The following KIAA0586 variants were observed in gnomAD, a reference collection of about 807,000 sequenced individuals.
KIAA0586 encodes protein TALPID3.
A neutral mutation model predicts 169.8 loss-of-function variants in KIAA0586; 144 were observed. The observed-to-expected ratio is 0.85, with a 90% CI of 0.74 to 0.97. The LOEUF is 0.97. Ranked by LOEUF, KIAA0586 falls within the 50% of genes least tolerant of loss-of-function variation. The pLI is 0.00. For missense variants in KIAA0586, 1,854 were observed against 1,823.0 expected (o/e 1.02, Z -0.31); for synonymous variants, 625 against 612.4 (o/e 1.02, Z -0.30).
chr14:58,533,544 G>A (rs12895026), intron 29 of KIAA0586, among the ~76,000 whole-genome samples: 6,958 of 152,236 alleles, frequency 0.046, 225 homozygotes, highest in Middle Eastern at 0.075. Flanking sequence ...TGTTGAATGA[G>A]CCAATTGTTT....
chr14:58,551,799 A>C (rs1049109435), downstream of KIAA0586, among the ~76,000 whole-genome samples: 2 of 152,130 alleles, frequency 1.3e-5, no homozygotes, highest in Non-Finnish European at 2.9e-5. Flanking sequence ...ATTGAAATAT[A>C]CTTATCTTTT....
In KIAA0586 at chr14:58,459,940, A is replaced by G; in HGVS notation, c.1754A>G (p.Asn585Ser). The G allele has an allele frequency of 6.5e-7, 1 of 1,532,922 alleles. No homozygotes were observed. Among genetic ancestry groups the G allele is most frequent in the Non-Finnish European group, 8.7e-7 (1 of 1,144,372 alleles). 95.0% of individuals were successfully genotyped at this position (1,532,922 alleles called of 1,614,324 possible). Residue 585 changes from asparagine (N) to serine (S), a missense_variant, in exon 13 of 31, where the codon AAC (asparagine) becomes AGC (serine). Transcript: ENST00000652326. ...GQNMTKDIRT[N>S]TQDKTVNKSV... Reference sequence around the variant, plus strand: ...AATATGACTAAAGATATTAGAACCAACACACAAGATAAAACTGTCAACAAA... The same window carrying G: ...AATATGACTAAAGATATTAGAACCAGCACACAAGATAAAACTGTCAACAAA...
intron 21 of KIAA0586, among the ~76,000 whole-genome samples, chr14:58,484,890 T>TTATATATATATATTTATATATATTTATA (rs1194531919): frequency 9.3e-5 from 3 of 32,288 alleles, no homozygotes; most frequent in African/African-American, 1.3e-4. Flanking sequence ...ATATATATAT[T>TTATATATATATATTTATATATATTTATA]TATATATATA....
rs1365055691 is a variant in KIAA0586 at position 58,461,073 on chromosome 14, A to G, written c.1972A>G (p.Thr658Ala). The change falls in exon 14 of 31, where the codon ACT becomes GCT. Residue 658 changes from threonine to alanine, a missense_variant. Physicochemically the swap from Thr to Ala is moderately conservative, Grantham distance 58. Transcript: ENST00000652326. ...GCCAGTTTATCAGGGCCATCGAAGC[A>G]CTCTTAAAAAAGGACCATATCTCAG... is the stretch of plus-strand genomic sequence containing the variant. ...GKPVYQGHRS[T>A]LKKGPYLRFN... The G allele has an allele frequency of 1.9e-6, 3 of 1,612,218 alleles. No individual in the cohort carries two copies. The highest frequency in any genetic ancestry group is 1.7e-6 in the Non-Finnish European group (2 of 1,179,010).
chr14:58,483,484 G>C (rs1401451375), intron 21 of KIAA0586, among the ~76,000 whole-genome samples: 1 of 151,912 alleles, frequency 6.6e-6, no homozygotes, highest in Non-Finnish European at 1.5e-5. Flanking sequence ...CACCCCCCCA[G>C]ATTTAACATT....
intron 4 of KIAA0586, among the ~76,000 whole-genome samples, chr14:58,436,063 TA>T (rs2037798805): frequency 6.6e-6 from 1 of 152,140 alleles, no homozygotes; most frequent in Admixed American, 6.5e-5. Flanking sequence ...CTGCAGTCAA[TA>T]CCCTGTTTAA....
intron 18 of KIAA0586, among the ~76,000 whole-genome samples, chr14:58,473,275 G>C: frequency 6.6e-6 from 1 of 152,094 alleles, no homozygotes; most frequent in Non-Finnish European, 1.5e-5. Flanking sequence ...ATGTGAAGGG[G>C]AAAGTGGCTA....
intron 4 of KIAA0586, chr14:58,439,905 C>T: frequency 1.3e-6 from 1 of 789,300 alleles, no homozygotes. Context: ...GTCAGTGGTT[C>T]CTTTCATTGT....
downstream of KIAA0586, among the ~76,000 whole-genome samples, chr14:58,552,342 T>C (rs1490751139): frequency 6.6e-6 from 1 of 152,174 alleles, no homozygotes; most frequent in East Asian, 1.9e-4. Context: ...GTGTCTGTAT[T>C]CTTTTTAAAA....
rs368218601 is a variant in KIAA0586, at chr14:58,524,490, C to T, written c.4429+11863C>T. Among the ~76,000 whole-genome samples the T allele has an allele frequency of 2.6e-5, 4 of 152,176 alleles. 1 individual carries two copies. On this transcript the variant is annotated intron_variant, in intron 29 of 30. Transcript: ENST00000652326. ...GGAATGTAAACATTAAACTAGTACCCGTGGTTATTCGGATGCAGAAGAGGG... is the reference window on the plus strand; with the variant it reads ...GGAATGTAAACATTAAACTAGTACCTGTGGTTATTCGGATGCAGAAGAGGG...
intron 30 of KIAA0586, among the ~76,000 whole-genome samples, chr14:58,542,843 TA>T (rs1322421891): frequency 6.6e-6 from 1 of 152,062 alleles, no homozygotes; most frequent in East Asian, 1.9e-4. Flanking sequence ...TGAATCCTCA[TA>T]AAAACCTCTG....
the KIAA0586 span, among the ~76,000 whole-genome samples, chr14:58,561,635 A>C: frequency 6.6e-6 from 1 of 152,202 alleles, no homozygotes; most frequent in Non-Finnish European, 1.5e-5. Context: ...GATGAGAATT[A>C]ATTAAGATAT....
chr14:58,448,348 T>C lies in KIAA0586; in HGVS notation c.816T>C (p.Phe272=), dbSNP rs2039078825. Residue 272 remains phenylalanine (F), a synonymous_variant, in exon 7 of 31, where the codon TTT becomes TTC. Coordinates refer to ENST00000652326, the MANE Select transcript of KIAA0586 (RefSeq NM_001329943.3). ...AATCTTATTTCTTCTAGACTCATTTTATTAGTGCTGCACTCAAGACTAGTA... is the reference window on the plus strand; with the variant it reads ...AATCTTATTTCTTCTAGACTCATTTCATTAGTGCTGCACTCAAGACTAGTA... ...QQQQIDIQTH[F]ISAALKTSSF... The C allele has an allele frequency of 6.4e-7, 1 of 1,565,376 alleles. No homozygotes were observed. Among genetic ancestry groups the C allele is most frequent in the Admixed American group, 1.9e-5 (1 of 53,740 alleles).
chr14:58,498,210 T>TG (rs1033821858), intron 26 of KIAA0586, among the ~76,000 whole-genome samples: 2 of 151,720 alleles, frequency 1.3e-5, no homozygotes, highest in Non-Finnish European at 2.9e-5. Flanking sequence ...AGGGTCTCAC[T>TG]GTATCACCCA....
chr14:58,502,556 A>C (rs992429596), intron 27 of KIAA0586, among the ~76,000 whole-genome samples: 1 of 152,212 alleles, frequency 6.6e-6, no homozygotes, highest in Non-Finnish European at 1.5e-5. Context: ...AAAGGTGTAG[A>C]TACCAGGAGG....
chr14:58,487,934 C>T lies in KIAA0586; in HGVS notation c.3352C>T (p.Pro1118Ser). The T allele has an allele frequency of 1.2e-6, 2 of 1,613,704 alleles. No individual in the cohort carries two copies. The highest frequency in any genetic ancestry group is 2.7e-5 in the African/African-American group (2 of 74,996). Residue 1118 changes from proline to serine, a missense_variant, in exon 23 of 31, where the codon CCT becomes TCT. Physicochemically the swap from Pro to Ser is moderately conservative, Grantham distance 74. Transcript: ENST00000652326. ...IMLVNTPTVT[P>S]TTTPPPAAAV... ...GCTTGTTAATACTCCAACAGTTACC[C>T]CTACTACTACACCTCCTCCAGCGGC... is the stretch of plus-strand genomic sequence containing the variant.
At chr14:58,469,112 A>C (rs1373110112) in intron 16 of KIAA0586, among the ~76,000 whole-genome samples, 3 of 152,172 alleles carry the variant, frequency 2.0e-5, no homozygotes, top group Non-Finnish European at 4.4e-5. Context: ...GAACAGCCTC[A>C]ACCCACCAGC....
intron 30 of KIAA0586, among the ~76,000 whole-genome samples, chr14:58,541,852 A>G (rs2046654665): frequency 1.3e-5 from 2 of 152,300 alleles, no homozygotes; most frequent in South Asian, 4.1e-4. Context: ...CTGCAAACCC[A>G]TGGAATCAAG....
intron 6 of KIAA0586, among the ~76,000 whole-genome samples, chr14:58,446,639 A>T (rs1246086860): frequency 6.6e-6 from 1 of 152,156 alleles, no homozygotes; most frequent in African/African-American, 2.4e-5. Flanking sequence ...TAAGTTTATT[A>T]TACTTAATAT....
Sources: gnomAD v4.1 joint callset for allele counts (sites outside exome capture counted in the v4.1 genomes callset) on GRCh38, gnomAD v4.1.1 for gene constraint, MANE v1.5 for transcripts, NCBI Gene and HGNC (gene_info 2026-07-23, HGNC 2026-07-21) for gene names.